The following KIF5A variants were observed in gnomAD, a reference collection of about 807,000 sequenced individuals.
The protein encoded by KIF5A is kinesin heavy chain isoform 5A.
KIF5A carries 35 observed loss-of-function variants against 141.3 expected under a neutral mutation model. The ratio of observed to expected loss-of-function variants is 0.25; its 90% CI spans 0.19 to 0.33. The LOEUF (loss-of-function observed/expected upper bound fraction) is 0.33, where lower values mean the gene tolerates loss of function less well. KIF5A is among the 10% of genes least tolerant of loss of function. The pLI, the probability that KIF5A is intolerant of heterozygous loss-of-function variation, is 1.00. For missense variants in KIF5A, 861 were observed against 1,314.3 expected (o/e 0.66, Z 5.33); for synonymous variants, 448 against 500.2 (o/e 0.90, Z 1.39).
chr12:57,575,665 C>T lies in KIF5A; in HGVS notation c.1931C>T (p.Thr644Met), dbSNP rs200965784. The stretch of plus-strand genomic sequence containing the variant: ...CATGAGGCCAAGATCCGCTCGCTTA[C>T]GGAATACATGCAGAGCGTGGAGCTA... ...SQHEAKIRSL[T>M]EYMQSVELKK... Residue 644 changes from threonine (T) to methionine (M), a missense_variant, in exon 17 of 29, where the codon ACG becomes ATG. By Grantham distance (81) the Thr-to-Met change is moderately conservative (BLOSUM62 -1). Coordinates refer to ENST00000455537, the MANE Select transcript of KIF5A (RefSeq NM_004984.4). 1.1e-5 allele frequency: 17 copies of T among 1,614,130 alleles called. No homozygotes were observed. The highest frequency in any genetic ancestry group is 4.0e-5 in the African/African-American group (3 of 75,026).
intron 1 of KIF5A, among the ~76,000 whole-genome samples, chr12:57,558,768 TC>T (rs1350468661): frequency 6.6e-6 from 1 of 152,142 alleles, no homozygotes; most frequent in Non-Finnish European, 1.5e-5. Flanking sequence ...TTTATCTCAT[TC>T]TTTTTTGGTT....
Position 57,563,607 on chromosome 12 carries a change from C to T in KIF5A, c.218-13C>T, listed in dbSNP as rs773063708. On this transcript the variant is annotated splice_polypyrimidine_tract_variant and intron_variant, in intron 2 of 28. Transcript: ENST00000455537. ...TATCTCCACCAGTACTCTTTCTCTA[C>T]TGTCTCTTCCAGATGTCCTTGCTGG... The T allele has an allele frequency of 8.7e-6, 14 of 1,613,938 alleles. No individual in the cohort carries two copies. Among genetic ancestry groups the T allele is most frequent in the Middle Eastern group, 1.6e-4 (1 of 6,062 alleles).
chr12:57,563,993 C>T, intron 3 of KIF5A, 115 bp from the exon 4 acceptor site: 1 of 793,054 alleles, frequency 1.3e-6, no homozygotes, highest in Non-Finnish European at 2.2e-6. Context: ...GTGACCATCT[C>T]CTAACTTAGG....
Position 57,572,822 on chromosome 12 carries a change from C to G in KIF5A, c.1716+96C>G. The G allele has an allele frequency of 7.0e-7, 1 of 1,418,880 alleles. No homozygotes were observed. 87.9% of individuals were successfully genotyped at this position (1,418,880 alleles called of 1,614,324 possible). A position where few individuals can be genotyped will look rare whatever the true frequency, so the allele number is the denominator to read the frequency against. The stretch of plus-strand genomic sequence containing the variant: ...CCTTCACAGATACTGAGAAAGGCAG[C>G]CAGAGAGCCAGGAAACATGCCTTTG... On this transcript the variant is annotated intron_variant, in intron 15 of 28. Coordinates refer to ENST00000455537, the MANE Select transcript of KIF5A (RefSeq NM_004984.4). This position sits in a 1 kb window ranked among gnomAD's most constrained non-coding sequence, Gnocchi z 4.2.
In KIF5A at chr12:57,577,717, C is replaced by A. The variant is rs773433247; in HGVS notation, c.2305C>A (p.Leu769Met). ...CCCTTATTTCTCTTGCTACAGATTTCTGTACGAGCGACATGAGCAGTCCAA... is the reference window on the plus strand; with the variant it reads ...CCCTTATTTCTCTTGCTACAGATTTATGTACGAGCGACATGAGCAGTCCAA... ...KSTKLQELTF[L>M]YERHEQSKQD... The change falls in exon 21 of 29, where the codon CTG becomes ATG. Residue 769 changes from leucine (L) to methionine (M), a missense_variant. This residue lies in a region of KIF5A where 482 missense variants were observed against 661.3 expected (regional missense o/e 0.73). Coordinates refer to ENST00000455537, the MANE Select transcript of KIF5A (RefSeq NM_004984.4). 1 of 1,613,652 alleles carries A rather than the reference C, an allele frequency of 6.2e-7. No individual in the cohort carries two copies. The highest frequency in any genetic ancestry group is 8.5e-7 in the Non-Finnish European group (1 of 1,179,588).
chr12:57,559,411 ATGG>A, intron 1 of KIF5A, among the ~76,000 whole-genome samples: 1 of 152,250 alleles, frequency 6.6e-6, no homozygotes, highest in African/African-American at 2.4e-5. Context: ...ATAGGTAAAA[ATGG>A]TGTTTCATAG....
intron 1 of KIF5A, 99 bp from the exon 2 acceptor site, chr12:57,563,340 G>A: frequency 2.3e-6 from 2 of 861,922 alleles, no homozygotes; most frequent in Non-Finnish European, 3.9e-6. Context: ...GGGCATTGAA[G>A]AAAAGGGTGC....
At position 57,583,190 on chromosome 12, in the gene KIF5A, C is replaced by A; in HGVS notation, c.*11C>A. On this transcript the variant is annotated 3_prime_UTR_variant, in exon 28 of 29. Transcript: ENST00000455537. ...ACAGCAGCCAGCTAATCTCCCACAC[C>A]CACGGCTGCATACCTGCACTTTCAG... The A allele has an allele frequency of 6.2e-7, 1 of 1,612,088 alleles. No individual in the cohort carries two copies. Among genetic ancestry groups the A allele is most frequent in the Non-Finnish European group, 8.5e-7 (1 of 1,178,682 alleles).
In KIF5A at chr12:57,572,742, C is replaced by T. The variant is rs1308639179; in HGVS notation, c.1716+16C>T. On this transcript the variant is annotated intron_variant, in intron 15 of 28. Coordinates refer to ENST00000455537, the MANE Select transcript of KIF5A (RefSeq NM_004984.4). This position sits in a 1 kb window ranked among gnomAD's most constrained non-coding sequence, Gnocchi z 4.2. ...GATTAAGCTGGTGAGTGGTGAGAGACAGCAGCCTTGTTCAGGCTGGGCACT... is the reference window on the plus strand; with the variant it reads ...GATTAAGCTGGTGAGTGGTGAGAGATAGCAGCCTTGTTCAGGCTGGGCACT... The T allele has an allele frequency of 1.9e-6, 3 of 1,614,152 alleles. No individual in the cohort carries two copies. The highest frequency in any genetic ancestry group is 2.2e-5 in the East Asian group (1 of 44,892).
chr12:57,569,343 TG>T lies in KIF5A; in HGVS notation c.908del (p.Cys303PhefsTer16). The T allele has an allele frequency of 6.2e-7, 1 of 1,614,118 alleles. No homozygotes were observed. The highest frequency in any genetic ancestry group is 8.5e-7 in the Non-Finnish European group (1 of 1,179,984). On this transcript the variant is annotated frameshift_variant, in exon 10 of 29. Transcript: ENST00000455537. LOFTEE classifies it high-confidence loss of function. ...AAACTGCCGGACGACTATGTTCATC[TG>T]TTGCTCACCATCCAGTTATAATGAT... ...GGNCRTTMFI[C>X]CSPSSYNDAE...
chr12:57,559,473 TATTA>T (rs1431529482), intron 1 of KIF5A, among the ~76,000 whole-genome samples: 10 of 152,214 alleles, frequency 6.6e-5, no homozygotes, highest in East Asian at 1.9e-4. Flanking sequence ...CATTAATTAA[TATTA>T]ATTAATATAT....
Position 57,567,553 on chromosome 12 carries a change from A to G in KIF5A, c.649A>G (p.Asn217Asp). 6.2e-7 allele frequency: 1 copy of G among 1,613,354 alleles called. No individual in the cohort carries two copies. Among genetic ancestry groups the G allele is most frequent in the Non-Finnish European group, 8.5e-7 (1 of 1,179,812 alleles). Reference protein sequence around the residue: ...SIFLINIKQENMETEQKLSGK... With the variant: ...SIFLINIKQEDMETEQKLSGK... Reference sequence around the variant, plus strand: ...CTTCCTCATCAACATCAAGCAGGAGAACATGGAAACGGAGCAGAAGCTCAG... The same window carrying G: ...CTTCCTCATCAACATCAAGCAGGAGGACATGGAAACGGAGCAGAAGCTCAG... The change falls in exon 8 of 29, where the codon AAC becomes GAC. Residue 217 changes from asparagine (N) to aspartate (D), a missense_variant. By Grantham distance (23) the Asn-to-Asp change is conservative. Transcript: ENST00000455537.
rs201749114 is a variant in KIF5A, at chr12:57,570,171, G to A, written c.1293+9G>A. On this transcript the variant is annotated intron_variant, in intron 12 of 28. Coordinates refer to ENST00000455537, the MANE Select transcript of KIF5A (RefSeq NM_004984.4). Reference sequence around the variant, plus strand: ...AGCAGCTTGACGACAAGGTGAGGGCGGCCAGGCAGGGCACTGAGGCACGCC... The same window carrying A: ...AGCAGCTTGACGACAAGGTGAGGGCAGCCAGGCAGGGCACTGAGGCACGCC... 5,096 of 1,612,688 alleles carry A rather than the reference G, an allele frequency of 3.2e-3. 12 individuals carry two copies. Among genetic ancestry groups the A allele is most frequent in the Non-Finnish European group, 4.0e-3 (4,676 of 1,179,666 alleles).
intron 21 of KIF5A, 81 bp downstream of exon 21, chr12:57,577,854 C>A (rs1394692784): frequency 3.7e-6 from 5 of 1,334,558 alleles, no homozygotes; most frequent in African/African-American, 2.9e-5. Context: ...ATTCCTCCTG[C>A]CCTTTTGCAG....
intron 1 of KIF5A, among the ~76,000 whole-genome samples, chr12:57,563,131 C>T (rs750737272): frequency 2.6e-4 from 40 of 151,946 alleles, no homozygotes; most frequent in Admixed American, 4.6e-4. Context: ...CTCTGCCTCC[C>T]GAGTAGCTGG....
chr12:57,559,696 C>T (rs1385425820), intron 1 of KIF5A, among the ~76,000 whole-genome samples: 2 of 152,056 alleles, frequency 1.3e-5, no homozygotes, highest in Admixed American at 1.3e-4. Flanking sequence ...CTGTAAATAC[C>T]ACTTGTATGT....
chr12:57,550,421 A>G lies in KIF5A; in HGVS notation c.129+21A>G. 6.2e-7 allele frequency: 1 copy of G among 1,613,532 alleles called. No homozygotes were observed. The highest frequency in any genetic ancestry group is 1.3e-5 in the African/African-American group (1 of 74,958). On this transcript the variant is annotated intron_variant, in intron 1 of 28. Transcript: ENST00000455537. The surrounding 1 kb of genome is among the most constrained non-coding windows in gnomAD (Gnocchi z 4.6). The stretch of plus-strand genomic sequence containing the variant: ...TTGGGGTGAGTGTCGCCCAGGAGGG[A>G]ATTCGGGGAGGGGGCAGGTGGCTGA...
rs923500413 is a variant in KIF5A at position 57,550,933 on chromosome 12, T to C, written c.129+533T>C. Among the ~76,000 whole-genome samples the C allele has an allele frequency of 6.6e-6, 1 of 152,056 alleles. No homozygotes were observed. The highest frequency in any genetic ancestry group is 1.5e-5 in the Non-Finnish European group (1 of 67,990). ...ATAGCCTGGATTTTTGTGTGTGTGT[T>C]GTGGGGAGTAGGTCTGATGCAGGGT... On this transcript the variant is annotated intron_variant, in intron 1 of 28. Coordinates refer to ENST00000455537, the MANE Select transcript of KIF5A (RefSeq NM_004984.4). This position sits in a 1 kb window ranked among gnomAD's most constrained non-coding sequence, Gnocchi z 4.6.
chr12:57,553,536 G>A (rs960025107), intron 1 of KIF5A, among the ~76,000 whole-genome samples: 3 of 152,104 alleles, frequency 2.0e-5, no homozygotes, highest in Admixed American at 6.6e-5. Context: ...ATTGTGGCCA[G>A]TGTCTCTCCA....
Sources: gnomAD v4.1 joint callset for allele counts (sites outside exome capture counted in the v4.1 genomes callset) on GRCh38, gnomAD v4.1.1 for gene constraint, gnomAD v4.1.1 regional missense constraint, Gnocchi (gnomAD v3.1) non-coding constraint, MANE v1.5 for transcripts, NCBI Gene and HGNC (gene_info 2026-07-23, HGNC 2026-07-21) for gene names.